The following ITPKB variants were observed in gnomAD, a reference collection of about 807,000 sequenced individuals.
ITPKB encodes the protein IP3 3-kinase B.
Under a neutral mutation model 69.4 loss-of-function variants are expected in ITPKB, and 13 were observed. That is an observed-to-expected ratio of 0.19 (90% confidence interval 0.12 to 0.30). The LOEUF is 0.30. ITPKB is among the 10% of genes least tolerant of loss of function. The pLI, the probability that ITPKB is intolerant of heterozygous loss-of-function variation, is 1.00. For synonymous variants in ITPKB, 584 were observed against 513.7 expected, an observed-to-expected ratio of 1.14 and a Z score of -1.85; for missense variants, 1,240 against 1,250.5, an observed-to-expected ratio of 0.99 and a Z score of 0.13.
At chr1:226,721,348 CAAAAAAAA>C (rs11353595) in intron 2 of ITPKB, among the ~76,000 whole-genome samples, 20 of 64,658 alleles carry the variant, frequency 3.1e-4, no homozygotes, top group South Asian at 6.2e-4. Flanking sequence ...AACTCTGTCT[CAAAAAAAA>C]AAAAAAAAAA....
intron 2 of ITPKB, among the ~76,000 whole-genome samples, chr1:226,672,213 ATGTGACAGCG>A (rs1377229855): frequency 3.9e-5 from 6 of 152,312 alleles, no homozygotes; most frequent in African/African-American, 1.4e-4. Flanking sequence ...AGGCACCGAA[ATGTGACAGCG>A]TGTGACAGCG....
intron 2 of ITPKB, among the ~76,000 whole-genome samples, chr1:226,692,257 T>C (rs1558087053): frequency 6.6e-6 from 1 of 152,148 alleles, no homozygotes; most frequent in Non-Finnish European, 1.5e-5. Context: ...GGGTTTTTTT[T>C]TTCCCCTGGT....
intron 2 of ITPKB, among the ~76,000 whole-genome samples, chr1:226,703,243 A>C (rs1257268332): frequency 6.6e-6 from 1 of 152,210 alleles, no homozygotes; most frequent in Admixed American, 6.5e-5. Flanking sequence ...AGAAAGACCG[A>C]GTGCTAGCAC....
At chr1:226,655,357 C>T (rs771752919) in intron 2 of ITPKB, among the ~76,000 whole-genome samples, 8 of 152,216 alleles carry the variant, frequency 5.3e-5, no homozygotes, top group Non-Finnish European at 1.0e-4. Context: ...GGAAATGGGC[C>T]CTGCCTCCTG....
intron 2 of ITPKB, among the ~76,000 whole-genome samples, chr1:226,687,406 T>C (rs1656241944): frequency 6.6e-6 from 1 of 152,194 alleles, no homozygotes; most frequent in Non-Finnish European, 1.5e-5. Flanking sequence ...CACTAGGGTT[T>C]GGAGTCTTCT....
chr1:226,718,918 A>ATGTTCACAGC (rs1349897272), intron 2 of ITPKB, among the ~76,000 whole-genome samples: 4 of 152,348 alleles, frequency 2.6e-5, no homozygotes, highest in African/African-American at 7.2e-5. Context: ...GTGTACACGA[A>ATGTTCACAGC]TGTTCACAGC....
intron 2 of ITPKB, among the ~76,000 whole-genome samples, chr1:226,674,484 A>C (rs1357106874): frequency 1.3e-5 from 2 of 152,082 alleles, no homozygotes; most frequent in East Asian, 3.9e-4. Context: ...GGCGTGAGCC[A>C]CTGTGCCTGG....
At position 226,641,805 on chromosome 1, in the gene ITPKB, A is replaced by C; in HGVS notation, c.2451+116T>G. ...TGTCTGGCCTTGGGGCGGGCCACCC[A>C]CATTCTGAGCCTGTGCCTGGAGAAG... On this transcript the variant is annotated intron_variant, in intron 5 of 7. Coordinates refer to ENST00000429204, the MANE Select transcript of ITPKB (RefSeq NM_002221.4). This position sits in a 1 kb window ranked among gnomAD's most constrained non-coding sequence, Gnocchi z 4.6. The C allele has an allele frequency of 1.0e-6, 1 of 979,376 alleles. No individual in the cohort carries two copies. The highest frequency in any genetic ancestry group is 2.2e-5 in the Admixed American group (1 of 44,482). 60.7% of individuals were successfully genotyped at this position (979,376 alleles called of 1,614,324 possible).
chr1:226,727,726 C>A (rs1313675200), intron 2 of ITPKB, among the ~76,000 whole-genome samples: 2 of 152,148 alleles, frequency 1.3e-5, no homozygotes, highest in Admixed American at 1.3e-4. Flanking sequence ...TTTGCACCCC[C>A]ACCCCTCAAC....
intron 2 of ITPKB, among the ~76,000 whole-genome samples, chr1:226,649,745 T>C (rs1161221833): frequency 6.6e-6 from 1 of 151,950 alleles, no homozygotes; most frequent in Non-Finnish European, 1.5e-5. Context: ...GAGAGGTAAA[T>C]GACGAAGCTG....
intron 2 of ITPKB, among the ~76,000 whole-genome samples, chr1:226,726,038 A>G (rs1350822373): frequency 1.3e-5 from 2 of 152,248 alleles, no homozygotes; most frequent in Non-Finnish European, 2.9e-5. Context: ...ACTCATAATT[A>G]AAAACTCATT....
intron 2 of ITPKB, among the ~76,000 whole-genome samples, chr1:226,735,119 G>A (rs550193131): frequency 4.1e-4 from 63 of 152,310 alleles, no homozygotes; most frequent in Middle Eastern, 3.4e-3. Context: ...TCTTTGGCCT[G>A]AATGAAACAC....
intron 2 of ITPKB, among the ~76,000 whole-genome samples, chr1:226,679,605 A>G (rs1656028835): frequency 6.6e-6 from 1 of 152,236 alleles, no homozygotes; most frequent in South Asian, 2.1e-4. Flanking sequence ...TTGAAAGAAG[A>G]AAGACGATAA....
chr1:226,650,562 A>G (rs1013994369), intron 2 of ITPKB, among the ~76,000 whole-genome samples: 3 of 152,254 alleles, frequency 2.0e-5, no homozygotes, highest in African/African-American at 7.2e-5. Context: ...CTCATTACAC[A>G]AGATGAGCCC....
chr1:226,666,873 T>C (rs1669513500), intron 2 of ITPKB, among the ~76,000 whole-genome samples: 2 of 152,132 alleles, frequency 1.3e-5, no homozygotes, highest in Admixed American at 6.5e-5. Context: ...AGACCACACA[T>C]GGACTCTCAA....
intron 2 of ITPKB, among the ~76,000 whole-genome samples, chr1:226,677,976 T>A (rs1655945554): frequency 6.6e-6 from 1 of 152,142 alleles, no homozygotes; most frequent in Non-Finnish European, 1.5e-5. Context: ...TTCGCGTGCA[T>A]TATTTAACGT....
At chr1:226,726,016 CAA>C (rs1270299870) in intron 2 of ITPKB, among the ~76,000 whole-genome samples, 6 of 152,150 alleles carry the variant, frequency 3.9e-5, no homozygotes, top group African/African-American at 1.2e-4. Context: ...TGTAAAAAAG[CAA>C]AGTCATCGTA....
At position 226,634,773 on chromosome 1, in the gene ITPKB, G is replaced by A. The variant is rs748600897; in HGVS notation, c.2739C>T (p.Asp913=). 6 of 1,500,300 alleles carry A rather than the reference G, an allele frequency of 4.0e-6. No homozygotes were observed. The highest frequency in any genetic ancestry group is 1.7e-4 in the Middle Eastern group (1 of 5,840). 92.9% of individuals were successfully genotyped at this position (1,500,300 alleles called of 1,614,324 possible). Residue 913 remains aspartate (D), a synonymous_variant, in exon 8 of 8, where the codon GAC becomes GAT. Coordinates refer to ENST00000429204, the MANE Select transcript of ITPKB (RefSeq NM_002221.4). This position sits in a 1 kb window ranked among gnomAD's most constrained non-coding sequence, Gnocchi z 6.3. ...PLPEGQTLQH[D]VPWQEGNRED... Reference sequence around the variant, plus strand: ...CCCGGTTCCCCTCCTGCCAGGGGACGTCATGCTGCAGGGTCTGGCCCTCAG... The same window carrying A: ...CCCGGTTCCCCTCCTGCCAGGGGACATCATGCTGCAGGGTCTGGCCCTCAG...
Position 226,737,466 on chromosome 1 carries a change from G to A in ITPKB, c.-8C>T, listed in dbSNP as rs138545670. 0.01 allele frequency: 15,888 copies of A among 1,557,628 alleles called. 727 individuals carry two copies. In the Admixed American group the frequency reaches 0.11, roughly 11 times the overall value. Reference sequence around the variant, plus strand: ...ATAGCAGTACACAGCCATAGTACTGGGTCCCGCGCTGCCCGCCGCCGCGGC... The same window carrying A: ...ATAGCAGTACACAGCCATAGTACTGAGTCCCGCGCTGCCCGCCGCCGCGGC... On this transcript the variant is annotated 5_prime_UTR_variant, in exon 2 of 8. Coordinates refer to ENST00000429204, the MANE Select transcript of ITPKB (RefSeq NM_002221.4).
Sources: gnomAD v4.1 joint callset for allele counts (sites outside exome capture counted in the v4.1 genomes callset) on GRCh38, gnomAD v4.1.1 for gene constraint, Gnocchi (gnomAD v3.1) non-coding constraint, MANE v1.5 for transcripts, NCBI Gene and HGNC (gene_info 2026-07-23, HGNC 2026-07-21) for gene names.